MDGA2: variants seen among roughly 807,000 people sequenced by gnomAD.
The protein encoded by MDGA2 is MAM domain containing glycosylphosphatidylinositol anchor 2.
A neutral mutation model predicts 117.8 loss-of-function variants in MDGA2; 40 were observed. The observed-to-expected ratio is 0.34, with a 90% CI of 0.26 to 0.44. The LOEUF (loss-of-function observed/expected upper bound fraction) is 0.44, where lower values mean the gene tolerates loss of function less well. Ranked by LOEUF, MDGA2 falls within the 20% of genes least tolerant of loss-of-function variation. The probability of loss-of-function intolerance (pLI) is 1.00; values close to 1 mark genes in which losing one functional copy is unlikely to be tolerated. For missense variants in MDGA2, 1,123 were observed against 1,250.6 expected, an observed-to-expected ratio of 0.90 and a Z score of 1.54; for synonymous variants, 452 against 439.0, an observed-to-expected ratio of 1.03 and a Z score of -0.37.
intron 2 of MDGA2, among the ~76,000 whole-genome samples, chr14:47,219,003 T>C (rs984765704): frequency 1.6e-4 from 25 of 152,158 alleles, no homozygotes; most frequent in Admixed American, 1.1e-3. Flanking sequence ...GTATAAAACC[T>C]GAATAAAAGC....
At chr14:47,105,967 GTGACTAGC>G (rs1566627449) in intron 5 of MDGA2, among the ~76,000 whole-genome samples, 3 of 20,506 alleles carry the variant, frequency 1.5e-4, no homozygotes, top group East Asian at 0.17. Flanking sequence ...GTTTCGTTCC[GTGACTAGC>G]CGACTAGCCC....
chr14:47,554,759 G>A (rs1895652581), intron 1 of MDGA2, among the ~76,000 whole-genome samples: 1 of 152,104 alleles, frequency 6.6e-6, no homozygotes, highest in South Asian at 2.1e-4. Context: ...CAGAGTCTTA[G>A]AAGACTTAGA....
chr14:46,864,542 G>A lies in MDGA2; in HGVS notation c.2752+8891C>T, dbSNP rs1050305129. ...TGTTTTGTTGCGCTTTGCAGATATT[G>A]CTGTTTTTTTTTTTTTTTTTTTTTT... On this transcript the variant is annotated intron_variant, in intron 14 of 16. Coordinates refer to ENST00000399232, the MANE Select transcript of MDGA2 (RefSeq NM_001113498.3). 5.1e-4 allele frequency among the ~76,000 whole-genome samples: 16 copies of A among 31,548 alleles called. No homozygotes were observed. In the Admixed American group the frequency reaches 7.3e-3, roughly 14 times the overall value. 20.7% of individuals were successfully genotyped at this position (31,548 alleles called of 152,430 possible). A position where few individuals can be genotyped will look rare whatever the true frequency, so the allele number is the denominator to read the frequency against.
At chr14:47,055,089 ATT>A (rs1889627147) in intron 7 of MDGA2, among the ~76,000 whole-genome samples, 1 of 146,312 alleles carries the variant, frequency 6.8e-6, no homozygotes. Context: ...TCTCTGTTAC[ATT>A]ATCTCCAAAT....
intron 1 of MDGA2, among the ~76,000 whole-genome samples, chr14:47,600,369 G>C (rs566806291): frequency 6.6e-6 from 1 of 152,044 alleles, no homozygotes; most frequent in Non-Finnish European, 1.5e-5. Flanking sequence ...GGGAGACAGA[G>C]TTTGCAGTCA....
At chr14:47,468,507 A>C (rs1893649916) in intron 1 of MDGA2, among the ~76,000 whole-genome samples, 2 of 152,114 alleles carry the variant, frequency 1.3e-5, no homozygotes, top group Non-Finnish European at 2.9e-5. Flanking sequence ...TTATGTGAAT[A>C]CCAACTCTGA....
At chr14:47,137,498 C>G (rs1217396136) in intron 4 of MDGA2, among the ~76,000 whole-genome samples, 1 of 152,008 alleles carries the variant, frequency 6.6e-6, no homozygotes, top group Non-Finnish European at 1.5e-5. Context: ...AAAAAGAAAT[C>G]TGATACCTCC....
At chr14:46,952,546 T>C (rs12589646) in intron 9 of MDGA2, among the ~76,000 whole-genome samples, 17,896 of 152,032 alleles carry the variant, frequency 0.12, 2,002 homozygotes, top group African/African-American at 0.27. Flanking sequence ...TTTATTTACA[T>C]GTTCAGAGAA....
chr14:47,574,779 C>G (rs1175319777), intron 1 of MDGA2, among the ~76,000 whole-genome samples: 3 of 152,150 alleles, frequency 2.0e-5, no homozygotes, highest in Non-Finnish European at 4.4e-5. Flanking sequence ...GCTCTGTTTA[C>G]AGATGGCAAA....
chr14:47,532,083 A>C (rs1895112534), intron 1 of MDGA2, among the ~76,000 whole-genome samples: 4 of 152,166 alleles, frequency 2.6e-5, no homozygotes, highest in Non-Finnish European at 4.4e-5. Context: ...ATTTGAGGCT[A>C]ACAGTGCAAA....
intron 8 of MDGA2, among the ~76,000 whole-genome samples, chr14:47,007,654 T>C (rs1887758451): frequency 6.6e-6 from 1 of 151,764 alleles, no homozygotes. Flanking sequence ...GTCAATTTGT[T>C]TTTCCTCCAA....
At chr14:47,010,203 A>G (rs1032716089) in intron 8 of MDGA2, among the ~76,000 whole-genome samples, 1 of 152,054 alleles carries the variant, frequency 6.6e-6, no homozygotes, top group East Asian at 1.9e-4. Context: ...TTAGATCATA[A>G]TAATCTTTGG....
intron 1 of MDGA2, among the ~76,000 whole-genome samples, chr14:47,525,193 G>A (rs549653898): frequency 6.4e-4 from 97 of 152,220 alleles, no homozygotes; most frequent in Admixed American, 1.6e-3. Flanking sequence ...GACAACACTC[G>A]AAATTTTTTA....
intron 1 of MDGA2, among the ~76,000 whole-genome samples, chr14:47,551,079 A>C (rs1895571629): frequency 6.6e-6 from 1 of 152,242 alleles, no homozygotes; most frequent in South Asian, 2.1e-4. Flanking sequence ...TAAAATGAGA[A>C]AGATATGTGT....
chr14:47,499,804 G>T (rs886489269), intron 1 of MDGA2, among the ~76,000 whole-genome samples: 1 of 152,088 alleles, frequency 6.6e-6, no homozygotes, highest in African/African-American at 2.4e-5. Flanking sequence ...CCATGCTTGA[G>T]AATTTATAAA....
chr14:47,538,288 G>A (rs1895265071), intron 1 of MDGA2, among the ~76,000 whole-genome samples: 1 of 152,136 alleles, frequency 6.6e-6, no homozygotes, highest in Non-Finnish European at 1.5e-5. Flanking sequence ...TAATTGACAT[G>A]AGCTTTCAAA....
intron 1 of MDGA2, among the ~76,000 whole-genome samples, chr14:47,624,945 A>G (rs1485146652): frequency 2.0e-5 from 3 of 152,302 alleles, no homozygotes; most frequent in East Asian, 3.9e-4. Flanking sequence ...AATTAAATGG[A>G]ACCTTCATTT....
At chr14:46,940,595 T>G (rs542913297) in intron 9 of MDGA2, among the ~76,000 whole-genome samples, 1 of 146,852 alleles carries the variant, frequency 6.8e-6, no homozygotes, top group East Asian at 2.0e-4. Context: ...GCCATTGCAC[T>G]ACAGCCTGGG....
At chr14:47,663,431 A>G (rs990315079) in intron 1 of MDGA2, among the ~76,000 whole-genome samples, 1 of 152,232 alleles carries the variant, frequency 6.6e-6, no homozygotes, top group African/African-American at 2.4e-5. Context: ...ATGGAGAATA[A>G]TAATTGAATT....
Sources: gnomAD v4.1 joint callset for allele counts (sites outside exome capture counted in the v4.1 genomes callset) on GRCh38, gnomAD v4.1.1 for gene constraint, MANE v1.5 for transcripts, NCBI Gene and HGNC (gene_info 2026-07-23, HGNC 2026-07-21) for gene names.